Variants in CR1 observed in about 807,000 individuals in gnomAD.
The protein encoded by CR1 is complement receptor type 1.
A neutral mutation model predicts 187.3 loss-of-function variants in CR1; 116 were observed. That is an observed-to-expected ratio of 0.62 (90% CI 0.53 to 0.72). The LOEUF (loss-of-function observed/expected upper bound fraction) is 0.72, where lower values mean the gene tolerates loss of function less well. CR1 is among the 30% of genes least tolerant of loss of function. The pLI, the probability that CR1 is intolerant of heterozygous loss-of-function variation, is 0.00. For missense variants in CR1, 1,731 were observed against 2,110.7 expected, an observed-to-expected ratio of 0.82 and a Z score of 3.52; for synonymous variants, 576 against 747.1, an observed-to-expected ratio of 0.77 and a Z score of 3.73.
intron 35 of CR1, among the ~76,000 whole-genome samples, chr1:207,595,969 C>T (rs1010569461): frequency 1.3e-5 from 2 of 150,066 alleles, no homozygotes; most frequent in African/African-American, 4.9e-5. Context: ...ATAAACTTAT[C>T]ATATGTAGGG....
chr1:207,576,473 G>A (rs981715427), intron 28 of CR1, among the ~76,000 whole-genome samples: 9 of 152,118 alleles, frequency 5.9e-5, no homozygotes, highest in Non-Finnish European at 4.4e-5. Flanking sequence ...GTATATTTGT[G>A]CTTTGTCTTT....
At chr1:207,510,568 T>C (rs1160934094) in intron 3 of CR1, among the ~76,000 whole-genome samples, 2 of 152,142 alleles carry the variant, frequency 1.3e-5, no homozygotes, top group African/African-American at 2.4e-5. Context: ...TAACGTGAAG[T>C]AAAATAAATG....
chr1:207,508,298 G>A (rs1441166187), intron 3 of CR1, among the ~76,000 whole-genome samples: 1 of 152,196 alleles, frequency 6.6e-6, no homozygotes, highest in Admixed American at 6.5e-5. Context: ...TGGACTTGGG[G>A]TGGCCATGAT....
intron 27 of CR1, among the ~76,000 whole-genome samples, chr1:207,573,793 A>T (rs956064003): frequency 6.6e-6 from 1 of 152,210 alleles, no homozygotes; most frequent in African/African-American, 2.4e-5. Flanking sequence ...GCAAAGAGTA[A>T]GAAGAGTTAA....
chr1:207,633,807 G>A (rs929098220), intron 46 of CR1, among the ~76,000 whole-genome samples: 18 of 152,206 alleles, frequency 1.2e-4, no homozygotes, highest in African/African-American at 4.1e-4. Context: ...CAACATGGCT[G>A]TTTATTTCAC....
At chr1:207,610,989 A>G (rs1661911160) in intron 37 of CR1, among the ~76,000 whole-genome samples, 1 of 152,068 alleles carries the variant, frequency 6.6e-6, no homozygotes, top group Non-Finnish European at 1.5e-5. Flanking sequence ...ATTACTAACT[A>G]TAGTCACCCT....
At chr1:207,578,332 A>C (rs1349470188) in intron 29 of CR1, 129 bp downstream of exon 29, 31 of 1,555,194 alleles carry the variant, frequency 2.0e-5, no homozygotes, top group Non-Finnish European at 2.6e-5. Flanking sequence ...TGGGGGAAGA[A>C]GCATGAAATT....
intron 4 of CR1, among the ~76,000 whole-genome samples, chr1:207,517,995 T>A (rs1380337769): frequency 6.6e-6 from 1 of 152,170 alleles, no homozygotes; most frequent in African/African-American, 2.4e-5. Flanking sequence ...TCTCTTTTAT[T>A]GATTTCTGCT....
intron 1 of CR1, among the ~76,000 whole-genome samples, chr1:207,503,098 T>A (rs557783110): frequency 6.6e-6 from 1 of 152,296 alleles, no homozygotes; most frequent in Admixed American, 6.5e-5. Context: ...TTTCTAAGGG[T>A]AATAATCGTA....
intron 33 of CR1, among the ~76,000 whole-genome samples, chr1:207,586,695 G>A (rs996273062): frequency 6.6e-6 from 1 of 152,074 alleles, no homozygotes; most frequent in Admixed American, 6.5e-5. Flanking sequence ...CTTGGTTTGT[G>A]GATGCATCAT....
chr1:207,636,127 T>C (rs969306034), intron 46 of CR1, among the ~76,000 whole-genome samples: 5 of 152,088 alleles, frequency 3.3e-5, no homozygotes, highest in Non-Finnish European at 7.4e-5. Context: ...TTCTCGATGG[T>C]TGCTGTCTCT....
intron 1 of CR1, among the ~76,000 whole-genome samples, chr1:207,504,673 T>C (rs1458457500): frequency 6.6e-6 from 1 of 152,214 alleles, no homozygotes; most frequent in Admixed American, 6.5e-5. Flanking sequence ...ATTTTGAAGC[T>C]GTGAAATGCA....
At chr1:207,596,491 G>A (rs1483599977) in intron 35 of CR1, among the ~76,000 whole-genome samples, 3 of 152,072 alleles carry the variant, frequency 2.0e-5, no homozygotes, top group Non-Finnish European at 4.4e-5. Flanking sequence ...GCGCATGCCT[G>A]TAATCCCAGC....
At chr1:207,580,669 G>C in intron 31 of CR1, 56 bp downstream of exon 31, 1 of 1,482,506 alleles carries the variant, frequency 6.7e-7, no homozygotes, top group Non-Finnish European at 9.3e-7. Context: ...TGACTCTTGA[G>C]CTTAAGGATC....
intron 4 of CR1, 122 bp from the exon 5 acceptor site, chr1:207,523,489 G>T: frequency 2.7e-6 from 4 of 1,491,040 alleles, no homozygotes; most frequent in Non-Finnish European, 3.6e-6. Flanking sequence ...ATGTACCTAT[G>T]TGTTAGCAAA....
Position 207,584,640 on chromosome 1 carries a change from T to C in CR1, c.5303-9T>C. 2 of 1,612,122 alleles carry C rather than the reference T, an allele frequency of 1.2e-6. No homozygotes were observed. The highest frequency in any genetic ancestry group is 1.7e-5 in the Admixed American group (1 of 59,790). ...TTTATGGAATTGAGAGCTCTTGTTT[T>C]CTTTCTAGATATCTTTTGTCCAAAT... On this transcript the variant is annotated splice_polypyrimidine_tract_variant and intron_variant, in intron 32 of 46. Coordinates refer to ENST00000367049, the MANE Select transcript of CR1 (RefSeq NM_000651.6).
At chr1:207,501,272 A>G (rs909230247) in intron 1 of CR1, among the ~76,000 whole-genome samples, 1 of 152,110 alleles carries the variant, frequency 6.6e-6, no homozygotes, top group African/African-American at 2.4e-5. Context: ...GCATGAGGGA[A>G]CTCTGTGTGG....
rs564723543 is a variant in CR1, at chr1:207,567,811, G to C, written c.3953-13G>C. The C allele has an allele frequency of 1.2e-6, 2 of 1,610,920 alleles. No homozygotes were observed. Among genetic ancestry groups the C allele is most frequent in the Admixed American group, 3.3e-5 (2 of 59,972 alleles). On this transcript the variant is annotated splice_polypyrimidine_tract_variant and intron_variant, in intron 24 of 46. Coordinates refer to ENST00000367049, the MANE Select transcript of CR1 (RefSeq NM_000651.6). ...CTCCTGAATGAAACTTAGAGCTTTT[G>C]TATGTTTTCTAGAAATCTTTTGTCC...
intron 37 of CR1, among the ~76,000 whole-genome samples, chr1:207,611,339 T>C (rs1661923712): frequency 6.6e-6 from 1 of 152,226 alleles, no homozygotes; most frequent in African/African-American, 2.4e-5. Flanking sequence ...GGACTGCCTC[T>C]GTAGGAAGTG....
Sources: allele counts gnomAD v4.1 joint callset (sites outside exome capture counted in the v4.1 genomes callset), GRCh38; gene constraint gnomAD v4.1.1; transcripts MANE v1.5; gene names NCBI Gene and HGNC (gene_info 2026-07-23, HGNC 2026-07-21).